CYP7B1: variants seen among roughly 807,000 people sequenced by gnomAD.
The protein encoded by CYP7B1 is cytochrome P450 family 7 subfamily B member 1, also known as cytochrome P450 7B1.
Under a neutral mutation model 42.7 loss-of-function variants are expected in CYP7B1, and 29 were observed. That is an observed-to-expected ratio of 0.68 (90% CI 0.51 to 0.93). The LOEUF (loss-of-function observed/expected upper bound fraction) is 0.93. Ranked by LOEUF, CYP7B1 falls within the 40% of genes least tolerant of loss-of-function variation. The probability of loss-of-function intolerance (pLI) is 0.00; values close to 1 mark genes in which losing one functional copy is unlikely to be tolerated. For missense variants in CYP7B1, 655 were observed against 600.5 expected (o/e 1.09, Z -0.95); for synonymous variants, 235 against 218.2 (o/e 1.08, Z -0.68).
Position 64,724,768 on chromosome 8 carries a change from ATC to A in CYP7B1, c.122+73696_122+73697del, listed in dbSNP as rs1807297227. 2.0e-5 allele frequency among the ~76,000 whole-genome samples: 3 copies of A among 152,210 alleles called. No homozygotes were observed. In the South Asian group the frequency reaches 6.2e-4, roughly 32 times the overall value. On this transcript the variant is annotated intron_variant, in intron 1 of 5. Coordinates refer to ENST00000310193, the MANE Select transcript of CYP7B1 (RefSeq NM_004820.5). ...GCTCAGAAGCAGCCTCAGAACGAAG[ATC>A]TCTCTGCCCTCCTGCCCTCCTGTTT...
intron 1 of CYP7B1, among the ~76,000 whole-genome samples, chr8:64,759,425 T>G (rs1311610610): frequency 1.3e-5 from 2 of 152,244 alleles, no homozygotes; most frequent in East Asian, 3.8e-4. Context: ...TCTATACTTC[T>G]CATACTATTT....
At chr8:64,612,054 G>C (rs1290639693) in intron 4 of CYP7B1, among the ~76,000 whole-genome samples, 1 of 151,978 alleles carries the variant, frequency 6.6e-6, no homozygotes, top group Non-Finnish European at 1.5e-5. Context: ...ATTTGCAATT[G>C]ATCTATCAAA....
chr8:64,759,151 T>C (rs564893224), intron 1 of CYP7B1, among the ~76,000 whole-genome samples: 1 of 152,346 alleles, frequency 6.6e-6, no homozygotes, highest in East Asian at 1.9e-4. Flanking sequence ...GAAATCTGAA[T>C]CTGCTGTAGC....
chr8:64,605,769 G>GA (rs903463299), intron 4 of CYP7B1, among the ~76,000 whole-genome samples: 23 of 151,698 alleles, frequency 1.5e-4, no homozygotes, highest in South Asian at 4.2e-4. Context: ...TCAGCAATAT[G>GA]AAAAAAAAGC....
At chr8:64,654,747 C>T (rs940727501) in intron 1 of CYP7B1, among the ~76,000 whole-genome samples, 4 of 152,130 alleles carry the variant, frequency 2.6e-5, no homozygotes, top group Non-Finnish European at 4.4e-5. Flanking sequence ...AACCTGGAGG[C>T]ATCACATAAC....
At chr8:64,768,575 A>T (rs1804152064) in intron 1 of CYP7B1, among the ~76,000 whole-genome samples, 1 of 152,196 alleles carries the variant, frequency 6.6e-6, no homozygotes, top group Admixed American at 6.5e-5. Flanking sequence ...AAAGAAAGAG[A>T]TCGTTCACTT....
Position 64,798,503 on chromosome 8 carries a change from G to C in CYP7B1, c.85C>G (p.Leu29Val), listed in dbSNP as rs1804747232. 1 of 1,509,518 alleles carries C rather than the reference G, an allele frequency of 6.6e-7. No homozygotes were observed. The highest frequency in any genetic ancestry group is 1.4e-5 in the African/African-American group (1 of 69,458). 93.5% of individuals were successfully genotyped at this position (1,509,518 alleles called of 1,614,324 possible). A position where few individuals can be genotyped will look rare whatever the true frequency, so the allele number is the denominator to read the frequency against. The change falls in exon 1 of 6, where the codon CTG becomes GTG. Residue 29 changes from leucine (L) to valine (V), a missense_variant. Transcript: ENST00000310193. ...LPGLALAAAL[L>V]LLALCLLVRR... ...ACAAGCAAGCAGAGGGCCAGGAGCA[G>C]CAGGGCCGCGGCGAGGGCCAGGCCC...
chr8:64,615,189 A>G lies in CYP7B1; in HGVS notation c.894T>C (p.Ile298=), dbSNP rs1805418785. The G allele has an allele frequency of 6.2e-7, 1 of 1,613,362 alleles. No individual in the cohort carries two copies. The highest frequency in any genetic ancestry group is 1.3e-5 in the African/African-American group (1 of 74,866). ...GFLWASVANT[I]PTMFWAMYYL... is the part of the protein sequence containing the mutation. ...AATACATTGCCCAGAACATAGTTGG[A>G]ATAGTGTTTGCCACAGAGGCCCAGA... is the stretch of plus-strand genomic sequence containing the variant. Residue 298 remains isoleucine (I), a synonymous_variant, in exon 4 of 6, where the codon ATT becomes ATC. Transcript: ENST00000310193.
At chr8:64,767,381 C>T (rs1224939844) in intron 1 of CYP7B1, among the ~76,000 whole-genome samples, 2 of 152,176 alleles carry the variant, frequency 1.3e-5, no homozygotes, top group African/African-American at 4.8e-5. Context: ...AAAAGAGCCG[C>T]AAGGCGGGAC....
At chr8:64,753,130 A>G (rs1807754771) in intron 1 of CYP7B1, among the ~76,000 whole-genome samples, 1 of 152,266 alleles carries the variant, frequency 6.6e-6, no homozygotes, top group Non-Finnish European at 1.5e-5. Context: ...GTACAAGAAT[A>G]CAATGGTTCT....
chr8:64,727,008 C>T (rs927709408), intron 1 of CYP7B1, among the ~76,000 whole-genome samples: 1 of 152,140 alleles, frequency 6.6e-6, no homozygotes, highest in African/African-American at 2.4e-5. Flanking sequence ...GATGAAGGAG[C>T]ATGAACCTGC....
At chr8:64,618,369 T>G (rs895175542) in intron 2 of CYP7B1, among the ~76,000 whole-genome samples, 1 of 152,110 alleles carries the variant, frequency 6.6e-6, no homozygotes, top group African/African-American at 2.4e-5. Flanking sequence ...AAAGATTCAG[T>G]TAGTAAAACA....
intron 1 of CYP7B1, among the ~76,000 whole-genome samples, chr8:64,680,850 T>C (rs896739388): frequency 6.6e-6 from 1 of 152,222 alleles, no homozygotes; most frequent in Non-Finnish European, 1.5e-5. Flanking sequence ...CCATTTTCCA[T>C]GGAAACTCTG....
chr8:64,599,568 G>T (rs1805171513), intron 5 of CYP7B1, among the ~76,000 whole-genome samples: 1 of 152,154 alleles, frequency 6.6e-6, no homozygotes, highest in Non-Finnish European at 1.5e-5. Context: ...GATGAGAATA[G>T]AAAAATCACA....
At chr8:64,773,977 A>G (rs1323146210) in intron 1 of CYP7B1, among the ~76,000 whole-genome samples, 2 of 152,236 alleles carry the variant, frequency 1.3e-5, no homozygotes, top group African/African-American at 4.8e-5. Flanking sequence ...GGGAAGTGGG[A>G]TTAAGTTTCT....
intron 1 of CYP7B1, among the ~76,000 whole-genome samples, chr8:64,760,683 C>A (rs1270377656): frequency 1.3e-5 from 2 of 151,802 alleles, no homozygotes; most frequent in Non-Finnish European, 2.9e-5. Flanking sequence ...TGACTATTAT[C>A]AAAATATAAG....
intron 1 of CYP7B1, among the ~76,000 whole-genome samples, chr8:64,679,093 T>A (rs901647717): frequency 2.6e-5 from 4 of 152,158 alleles, no homozygotes; most frequent in African/African-American, 9.7e-5. Flanking sequence ...TGTGAAACTT[T>A]CATAATCTTT....
intron 1 of CYP7B1, among the ~76,000 whole-genome samples, chr8:64,756,522 A>C (rs1807810996): frequency 6.6e-6 from 1 of 152,236 alleles, no homozygotes; most frequent in African/African-American, 2.4e-5. Context: ...AGGAACCAGA[A>C]TGGGGGCTTG....
At chr8:64,734,782 C>A (rs962822332) in intron 1 of CYP7B1, among the ~76,000 whole-genome samples, 2 of 152,172 alleles carry the variant, frequency 1.3e-5, no homozygotes, top group Non-Finnish European at 2.9e-5. Context: ...TATTTGCTAA[C>A]ATAACTTTTA....
Sources: gnomAD v4.1 joint callset for allele counts (sites outside exome capture counted in the v4.1 genomes callset) on GRCh38, gnomAD v4.1.1 for gene constraint, MANE v1.5 for transcripts, NCBI Gene and HGNC (gene_info 2026-07-23, HGNC 2026-07-21) for gene names.